UBE2J2: variants seen among roughly 807,000 people sequenced by gnomAD.
UBE2J2 encodes ubiquitin-conjugating enzyme E2 J2.
A neutral mutation model predicts 28.6 loss-of-function variants in UBE2J2; 5 were observed. That is an observed-to-expected ratio of 0.17 (90% CI 0.09 to 0.37). The LOEUF is 0.37. UBE2J2 is among the 10% of genes least tolerant of loss of function. The probability of loss-of-function intolerance (pLI) is 1.00; values close to 1 mark genes in which losing one functional copy is unlikely to be tolerated. For missense variants in UBE2J2, 226 were observed against 338.9 expected, an observed-to-expected ratio of 0.67 and a Z score of 2.62; for synonymous variants, 138 against 139.7, an observed-to-expected ratio of 0.99 and a Z score of 0.09.
Position 1,255,089 on chromosome 1 carries a change from C to T in UBE2J2, c.*114G>A. 1.6e-6 allele frequency: 2 copies of T among 1,233,824 alleles called. No homozygotes were observed. The highest frequency in any genetic ancestry group is 3.3e-5 in the South Asian group (2 of 61,354). The allele number at this position is 1,233,824 out of a possible 1,614,324, so 76.4% of individuals were successfully genotyped here. A position where few individuals can be genotyped will look rare whatever the true frequency, so the allele number is the denominator to read the frequency against. On this transcript the variant is annotated 3_prime_UTR_variant, in exon 7 of 7. Transcript: ENST00000349431. ...GCTTCCCCTTTCAGGTTTTTAAAAG[C>T]TAAACCTAGGAGCCTGGTGGGTCTG...
At chr1:1,267,032 G>A (rs972812795) in intron 2 of UBE2J2, among the ~76,000 whole-genome samples, 4 of 151,842 alleles carry the variant, frequency 2.6e-5, no homozygotes, top group Non-Finnish European at 5.9e-5. Context: ...GGGACTACAG[G>A]TGTGCGCCAT....
rs59074371 is a variant in UBE2J2 at position 1,265,976 on chromosome 1, G to A, written c.131+1886C>T. 2.5e-3 allele frequency: 2,781 copies of A among 1,132,382 alleles called. 39 individuals are homozygous for A. In the African/African-American group the frequency reaches 0.038, roughly 16 times the overall value. The allele number at this position is 1,132,382 out of a possible 1,614,324, so 70.1% of individuals were successfully genotyped here. On this transcript the variant is annotated intron_variant, in intron 2 of 6. Transcript: ENST00000349431. ...TGGTGAGTATTCTTTGTGAATCATC[G>A]AACCTGCACCGGGACTTGGGGACGC... is the stretch of plus-strand genomic sequence containing the variant.
chr1:1,266,241 C>G, intron 2 of UBE2J2: 1 of 1,119,756 alleles, frequency 8.9e-7, no homozygotes, highest in East Asian at 6.5e-5. Context: ...AGGTGGACCC[C>G]TGACCAAGCC....
chr1:1,258,021 G>A (rs940907515), intron 3 of UBE2J2, among the ~76,000 whole-genome samples: 2 of 151,540 alleles, frequency 1.3e-5, no homozygotes, highest in Non-Finnish European at 2.9e-5. Context: ...TCACCCACAC[G>A]TTCCCACTTT....
intron 6 of UBE2J2, among the ~76,000 whole-genome samples, 166 bp downstream of exon 6, chr1:1,255,879 C>A (rs1470101095): frequency 4.6e-5 from 7 of 152,250 alleles, no homozygotes; most frequent in African/African-American, 1.7e-4. Context: ...AGGCCACCCC[C>A]CAGAGCCCAG....
intron 2 of UBE2J2, among the ~76,000 whole-genome samples, chr1:1,263,898 GGGA>G (rs754900829): frequency 6.6e-6 from 1 of 151,846 alleles, no homozygotes; most frequent in Non-Finnish European, 1.5e-5. Context: ...AGGCTGAGGC[GGGA>G]GGATCACTTG....
intron 2 of UBE2J2, among the ~76,000 whole-genome samples, chr1:1,265,881 C>T (rs569949161): frequency 1.3e-5 from 2 of 152,224 alleles, no homozygotes; most frequent in South Asian, 4.1e-4. Flanking sequence ...GATCCACCCA[C>T]CTCGGCCTCC....
chr1:1,273,462 C>T (rs900964825), intron 1 of UBE2J2: 1 of 151,412 alleles, frequency 6.6e-6, no homozygotes, highest in African/African-American at 2.4e-5. Context: ...CCCGACATGA[C>T]CCTGACCCGG....
rs1227243627 is a variant in UBE2J2 at position 1,262,036 on chromosome 1, T to C, written c.172+1310A>G. On this transcript the variant is annotated intron_variant, in intron 3 of 6. Coordinates refer to ENST00000349431, the MANE Select transcript of UBE2J2 (RefSeq NM_058167.3). Reference sequence around the variant, plus strand: ...CCACACCCGGCTAATTTTGTATTTTTAGTAGAGATGGGGTTTCTCCGTGTT... The same window carrying C: ...CCACACCCGGCTAATTTTGTATTTTCAGTAGAGATGGGGTTTCTCCGTGTT... 6 of 241,486 alleles carry C rather than the reference T, an allele frequency of 2.5e-5. No homozygotes were observed. In the Admixed American group the frequency reaches 3.1e-4, roughly 13 times the overall value. 15.0% of individuals were successfully genotyped at this position (241,486 alleles called of 1,614,324 possible).
chr1:1,270,984 G>A (rs1640119895), intron 1 of UBE2J2, among the ~76,000 whole-genome samples: 1 of 152,162 alleles, frequency 6.6e-6, no homozygotes, highest in African/African-American at 2.4e-5. Context: ...AACTCCCCAG[G>A]CCCTTCCCGG....
chr1:1,265,526 C>A (rs879715044), intron 2 of UBE2J2, among the ~76,000 whole-genome samples: 1 of 151,860 alleles, frequency 6.6e-6, no homozygotes, highest in African/African-American at 2.4e-5. Context: ...AGACTTTGCC[C>A]CACATGCCTC....
At chr1:1,264,260 G>A (rs948922074) in intron 2 of UBE2J2, among the ~76,000 whole-genome samples, 4 of 152,154 alleles carry the variant, frequency 2.6e-5, no homozygotes, top group African/African-American at 4.8e-5. Context: ...GCAGCAAATC[G>A]ACTAAACACT....
At chr1:1,261,502 A>G (rs2101056437) in intron 3 of UBE2J2, among the ~76,000 whole-genome samples, 1 of 152,340 alleles carries the variant, frequency 6.6e-6, no homozygotes, top group East Asian at 1.9e-4. Flanking sequence ...TCCACCAGCA[A>G]CTGACCTAGC....
chr1:1,258,614 C>T (rs1639349087), intron 3 of UBE2J2, among the ~76,000 whole-genome samples: 1 of 152,224 alleles, frequency 6.6e-6, no homozygotes, highest in Admixed American at 6.5e-5. Context: ...CCTGTGCACA[C>T]TCCAGGCCAC....
intron 2 of UBE2J2, chr1:1,266,273 C>A: frequency 1.1e-6 from 1 of 889,114 alleles, no homozygotes; most frequent in Non-Finnish European, 1.5e-6. Flanking sequence ...CCTTTCAACT[C>A]ACTGAAATAT....
intron 2 of UBE2J2, 167 bp from the exon 3 acceptor site, chr1:1,263,553 G>A (rs111894391): frequency 1.6e-4 from 106 of 645,620 alleles, no homozygotes; most frequent in Non-Finnish European, 2.6e-4. Flanking sequence ...CAAAACCCCC[G>A]TCTCTTCTAC....
At chr1:1,267,812 T>G (rs1305290519) in intron 2 of UBE2J2, 50 bp downstream of exon 2, 1 of 1,599,836 alleles carries the variant, frequency 6.3e-7, no homozygotes, top group African/African-American at 1.3e-5. Flanking sequence ...GGCAGAGGCC[T>G]GCGTGGCAGC....
chr1:1,266,056 A>C, intron 2 of UBE2J2: 1 of 1,303,378 alleles, frequency 7.7e-7, no homozygotes, highest in South Asian at 1.2e-5. Context: ...ACGTCCTCGC[A>C]ACCAGCGAGG....
chr1:1,261,362 G>A (rs1639550089), intron 3 of UBE2J2, among the ~76,000 whole-genome samples: 3 of 152,186 alleles, frequency 2.0e-5, no homozygotes, highest in Non-Finnish European at 4.4e-5. Context: ...GGGGAACAAC[G>A]GAAGCGATGG....
Sources: gnomAD v4.1 joint callset for allele counts (sites outside exome capture counted in the v4.1 genomes callset) on GRCh38, gnomAD v4.1.1 for gene constraint, MANE v1.5 for transcripts, NCBI Gene and HGNC (gene_info 2026-07-23, HGNC 2026-07-21) for gene names.